CFAP20DC: variants seen among roughly 807,000 people sequenced by gnomAD.
The protein encoded by CFAP20DC is protein CFAP20DC.
In CFAP20DC, 84 loss-of-function variants were observed where a neutral mutation model predicts 101.7. That is an observed-to-expected ratio of 0.83 (90% CI 0.69 to 0.99). The LOEUF (loss-of-function observed/expected upper bound fraction) is 0.99, where lower values mean the gene tolerates loss of function less well. Among genes scored for constraint, CFAP20DC ranks in the 50% least tolerant of loss-of-function variants. The probability of loss-of-function intolerance (pLI) is 0.00; values close to 1 mark genes in which losing one functional copy is unlikely to be tolerated. For missense variants in CFAP20DC, 1,007 were observed against 970.3 expected, an observed-to-expected ratio of 1.04 and a Z score of -0.50; for synonymous variants, 359 against 351.2, an observed-to-expected ratio of 1.02 and a Z score of -0.25.
chr3:58,810,309 A>G lies in CFAP20DC; in HGVS notation c.2176-3853T>C, dbSNP rs568826978. On this transcript the variant is annotated intron_variant, in intron 14 of 16. Transcript: ENST00000482387. ...CATTGATGCAAAAATCCTCAATAAA[A>G]TACTGGCAAACCAAATCCAGCAGCA... 6.5e-3 allele frequency among the ~76,000 whole-genome samples: 993 copies of G among 152,248 alleles called. 12 individuals carry two copies. Among genetic ancestry groups the G allele is most frequent in the African/African-American group, 0.023 (937 of 41,544 alleles).
chr3:58,914,429 C>T lies in CFAP20DC; in HGVS notation c.394-565G>A, dbSNP rs1032908287. Among the ~76,000 whole-genome samples the T allele has an allele frequency of 6.6e-6, 1 of 151,924 alleles. No individual in the cohort carries two copies. The highest frequency in any genetic ancestry group is 1.5e-5 in the Non-Finnish European group (1 of 67,976). ...AGTTTTTAAAGTACTCTTGCAGGGA[C>T]TAATTTCTGCGCATTAAATAATTAG... On this transcript the variant is annotated intron_variant, in intron 5 of 16. Coordinates refer to ENST00000482387, the MANE Select transcript of CFAP20DC (RefSeq NM_001394063.1). The surrounding 1 kb of genome is among the most constrained non-coding windows in gnomAD (Gnocchi z 4.9).
At chr3:58,758,689 T>C (rs1158491945) in intron 15 of CFAP20DC, among the ~76,000 whole-genome samples, 2 of 151,990 alleles carry the variant, frequency 1.3e-5, no homozygotes, top group African/African-American at 2.4e-5. Context: ...CCCTCCCCCT[T>C]CCCCTCACCC....
intron 12 of CFAP20DC, chr3:58,862,373 T>C: frequency 1.0e-6 from 1 of 985,370 alleles, no homozygotes. Context: ...TTATTAAAGG[T>C]GAAAGGAACA....
At position 58,832,152 on chromosome 3, in the gene CFAP20DC, C is replaced by T. The variant is rs868792576; in HGVS notation, c.1972-263G>A. The stretch of plus-strand genomic sequence containing the variant: ...CCTGTGCACATGCAAGTCCCCTCTG[C>T]CTCGTGTTCTGGGTAATGCTTAGGC... On this transcript the variant is annotated intron_variant, in intron 13 of 16. Coordinates refer to ENST00000482387, the MANE Select transcript of CFAP20DC (RefSeq NM_001394063.1). Among the ~76,000 whole-genome samples, 36 of 152,310 alleles carry T rather than the reference C, an allele frequency of 2.4e-4. No individual in the cohort carries two copies. The Middle Eastern group carries it at 0.01, about 43-fold the overall frequency.
At chr3:58,975,428 T>G (rs892678580) in intron 4 of CFAP20DC, among the ~76,000 whole-genome samples, 2 of 152,212 alleles carry the variant, frequency 1.3e-5, no homozygotes, top group South Asian at 2.1e-4. Flanking sequence ...CCAAATTATA[T>G]AGCAAAATCA....
At chr3:58,994,431 G>T (rs180881843) in intron 4 of CFAP20DC, among the ~76,000 whole-genome samples, 9 of 152,186 alleles carry the variant, frequency 5.9e-5, no homozygotes, top group African/African-American at 1.9e-4. Flanking sequence ...AAAGGCATAT[G>T]CCATTATCCT....
At chr3:58,845,325 G>C (rs1157798762) in intron 13 of CFAP20DC, among the ~76,000 whole-genome samples, 3 of 151,948 alleles carry the variant, frequency 2.0e-5, no homozygotes, top group Non-Finnish European at 4.4e-5. Context: ...AAATGATAAA[G>C]GGGATATCAC....
chr3:58,756,106 T>C (rs1423783459), intron 15 of CFAP20DC, among the ~76,000 whole-genome samples: 1 of 152,166 alleles, frequency 6.6e-6, no homozygotes, highest in Non-Finnish European at 1.5e-5. Context: ...TCTGCTCCTT[T>C]ACTGAAAACA....
intron 15 of CFAP20DC, among the ~76,000 whole-genome samples, chr3:58,782,953 G>T (rs936859812): frequency 8.6e-5 from 13 of 151,792 alleles, no homozygotes; most frequent in Middle Eastern, 6.8e-3. Flanking sequence ...AATAGCAAAA[G>T]AAATTTTGAG....
At position 58,886,282 on chromosome 3, in the gene CFAP20DC, C is replaced by G. The variant is rs185902748; in HGVS notation, c.551-1573G>C. ...CACTTGAGGAGTGTTAAGTACATAA[C>G]AGTGTTTCATGGGATGAGACAGTAA... On this transcript the variant is annotated intron_variant, in intron 6 of 16. Coordinates refer to ENST00000482387, the MANE Select transcript of CFAP20DC (RefSeq NM_001394063.1). 3.0e-4 allele frequency among the ~76,000 whole-genome samples: 46 copies of G among 151,856 alleles called. No individual in the cohort carries two copies. In the East Asian group the frequency reaches 8.5e-3, roughly 28 times the overall value.
At chr3:58,782,308 A>C (rs2071904786) in intron 15 of CFAP20DC, among the ~76,000 whole-genome samples, 1 of 152,092 alleles carries the variant, frequency 6.6e-6, no homozygotes, top group Admixed American at 6.6e-5. Flanking sequence ...CATATATGAC[A>C]CACCCAGAGC....
chr3:58,961,282 G>A (rs559589993), intron 4 of CFAP20DC, among the ~76,000 whole-genome samples: 14 of 152,212 alleles, frequency 9.2e-5, no homozygotes, highest in African/African-American at 2.6e-4. Context: ...GGCCAGGTGC[G>A]GTGGCTCACG....
At chr3:58,996,110 A>C (rs1361911793) in intron 4 of CFAP20DC, among the ~76,000 whole-genome samples, 1 of 152,146 alleles carries the variant, frequency 6.6e-6, no homozygotes, top group Non-Finnish European at 1.5e-5. Flanking sequence ...GCAGAAAAAA[A>C]AAAGTGTTTA....
At chr3:58,791,618 C>T (rs1314780857) in intron 15 of CFAP20DC, among the ~76,000 whole-genome samples, 1 of 152,084 alleles carries the variant, frequency 6.6e-6, no homozygotes, top group Non-Finnish European at 1.5e-5. Flanking sequence ...TCACAGTTAG[C>T]AACTGTGTCA....
intron 16 of CFAP20DC, among the ~76,000 whole-genome samples, chr3:58,749,081 T>G (rs1183258200): frequency 6.6e-6 from 1 of 152,192 alleles, no homozygotes; most frequent in Admixed American, 6.5e-5. Flanking sequence ...AAGTCTCCTT[T>G]GCATCTGAAA....
In CFAP20DC at chr3:58,833,982, T is replaced by C. The variant is rs570774223; in HGVS notation, c.1972-2093A>G. ...TGTGTGATTTACTTTATATGAAATG[T>C]CCAGAATAGGCAAATTCACAGAGAC... On this transcript the variant is annotated intron_variant, in intron 13 of 16. Transcript: ENST00000482387. Among the ~76,000 whole-genome samples the C allele has an allele frequency of 4.2e-3, 636 of 152,268 alleles. 2 individuals are homozygous for C. Among genetic ancestry groups the C allele is most frequent in the Non-Finnish European group, 6.5e-3 (443 of 68,014 alleles).
rs757593286 is a variant in CFAP20DC at position 58,870,175 on chromosome 3, C to T, written c.850G>A (p.Glu284Lys). Reference sequence around the variant, plus strand: ...AGCTCTCCAAACCTTGCTCCTACCTCGCTGGATATCTTCATGTTATTCCTT... The same window carrying T: ...AGCTCTCCAAACCTTGCTCCTACCTTGCTGGATATCTTCATGTTATTCCTT... ...GRRNNMKISS[E>K]TVRSVGSKNN... The change falls in exon 8 of 17, where the codon GAG (glutamate) becomes AAG (lysine). Residue 284 changes from glutamate to lysine, a missense_variant and splice_region_variant. Transcript: ENST00000482387. 5.1e-5 allele frequency: 82 copies of T among 1,605,178 alleles called. 1 individual carries two copies. The Middle Eastern group carries it at 2.0e-3, about 39-fold the overall frequency.
intron 10 of CFAP20DC, 80 bp downstream of exon 10, chr3:58,867,737 G>T (rs1309249458): frequency 3.3e-6 from 5 of 1,534,274 alleles, no homozygotes; most frequent in Non-Finnish European, 4.5e-6. Flanking sequence ...ATAATCCTTT[G>T]AAATTTACAA....
intron 5 of CFAP20DC, among the ~76,000 whole-genome samples, chr3:58,916,619 T>C (rs1000358315): frequency 6.6e-6 from 1 of 152,122 alleles, no homozygotes; most frequent in African/African-American, 2.4e-5. Context: ...TAATAATCAT[T>C]CAAGAAATAA....
Sources: gnomAD v4.1 joint callset for allele counts (sites outside exome capture counted in the v4.1 genomes callset) on GRCh38, gnomAD v4.1.1 for gene constraint, Gnocchi (gnomAD v3.1) non-coding constraint, MANE v1.5 for transcripts, NCBI Gene and HGNC (gene_info 2026-07-23, HGNC 2026-07-21) for gene names.